ST18: variants seen among roughly 807,000 people sequenced by gnomAD.
ST18 encodes the protein ST18 C2H2C-type zinc finger transcription factor, also known as suppression of tumorigenicity 18 protein.
In ST18, 50 loss-of-function variants were observed where a neutral mutation model predicts 110.0. That is an observed-to-expected ratio of 0.45 (90% confidence interval 0.36 to 0.58). ST18 has a LOEUF of 0.58. Among genes scored for constraint, ST18 ranks in the 20% least tolerant of loss-of-function variants. The probability of loss-of-function intolerance (pLI) is 0.00; values close to 1 mark genes in which losing one functional copy is unlikely to be tolerated. For synonymous variants in ST18, 461 were observed against 452.4 expected (o/e 1.02, Z -0.24); for missense variants, 1,306 against 1,280.1 (o/e 1.02, Z -0.31).
intron 8 of ST18, among the ~76,000 whole-genome samples, chr8:52,198,822 G>C (rs1208096789): frequency 6.6e-6 from 1 of 152,176 alleles, no homozygotes; most frequent in Non-Finnish European, 1.5e-5. Flanking sequence ...AAGCCTGCAA[G>C]CTCCACATAT....
At chr8:52,154,599 C>T (rs932636515) in intron 15 of ST18, 2 of 152,192 alleles carry the variant, frequency 1.3e-5, no homozygotes, top group Non-Finnish European at 2.9e-5. Flanking sequence ...GGACTCTCTC[C>T]CACCTGTGGC....
intron 2 of ST18, among the ~76,000 whole-genome samples, chr8:52,241,418 C>A (rs2093388296): frequency 6.6e-6 from 1 of 152,160 alleles, no homozygotes; most frequent in African/African-American, 2.4e-5. Context: ...ATGCTCTGGC[C>A]CCACATACAT....
intron 7 of ST18, among the ~76,000 whole-genome samples, chr8:52,213,364 G>A (rs549818734): frequency 8.5e-4 from 128 of 151,106 alleles, no homozygotes; most frequent in Non-Finnish European, 1.4e-3. Context: ...TTGATCAGCC[G>A]CTGTCAGTTG....
intron 2 of ST18, among the ~76,000 whole-genome samples, chr8:52,381,960 G>A (rs1206578372): frequency 3.4e-5 from 3 of 87,292 alleles, no homozygotes; most frequent in African/African-American, 1.0e-4. Flanking sequence ...AGAGCTATAT[G>A]CTGCATTAAA....
At chr8:52,310,465 G>A (rs1159416566) in intron 2 of ST18, among the ~76,000 whole-genome samples, 6 of 152,118 alleles carry the variant, frequency 3.9e-5, no homozygotes, top group Middle Eastern at 3.2e-3. Context: ...ACATAGTTTC[G>A]ATTGTGTTTT....
intron 2 of ST18, among the ~76,000 whole-genome samples, chr8:52,266,848 G>GAGGAA (rs2094888215): frequency 6.6e-6 from 1 of 152,180 alleles, no homozygotes; most frequent in Non-Finnish European, 1.5e-5. Flanking sequence ...TCTTAGAGGA[G>GAGGAA]CAAGAAAGTG....
intron 22 of ST18, among the ~76,000 whole-genome samples, chr8:52,128,114 G>A (rs549506943): frequency 6.6e-6 from 1 of 152,080 alleles, no homozygotes; most frequent in East Asian, 1.9e-4. Flanking sequence ...GATTATAGGT[G>A]CACACCACCA....
chr8:52,326,260 G>A (rs1806345985), intron 2 of ST18, among the ~76,000 whole-genome samples: 1 of 152,160 alleles, frequency 6.6e-6, no homozygotes, highest in Non-Finnish European at 1.5e-5. Context: ...GATTTGGCCT[G>A]CAGCAGTGGG....
intron 2 of ST18, among the ~76,000 whole-genome samples, chr8:52,310,306 A>G (rs886219808): frequency 6.6e-6 from 1 of 152,218 alleles, no homozygotes; most frequent in Non-Finnish European, 1.5e-5. Context: ...ATACTAAAAC[A>G]GCAACGGTTC....
At chr8:52,235,287 G>C (rs988532221) in intron 2 of ST18, among the ~76,000 whole-genome samples, 1 of 152,102 alleles carries the variant, frequency 6.6e-6, no homozygotes, top group African/African-American at 2.4e-5. Flanking sequence ...CCCACACCTG[G>C]TCTCCGAGTT....
rs200320573 is a variant in ST18 at position 52,159,057 on chromosome 8, G to A, written c.1647C>T (p.Gly549=). ...VKFPNRLPSA[G]AHTQSPGRAS... Reference sequence around the variant, plus strand: ...CACGGCCAGGGCTCTGGGTGTGGGCGCCTGCACTAGGCAGTCGATTAGGAA... The same window carrying A: ...CACGGCCAGGGCTCTGGGTGTGGGCACCTGCACTAGGCAGTCGATTAGGAA... The change falls in exon 15 of 26, where the codon GGC becomes GGT. Residue 549 remains glycine (G), a synonymous_variant. Coordinates refer to ENST00000689386, the MANE Select transcript of ST18 (RefSeq NM_001352837.2). 7.3e-4 allele frequency: 1,182 copies of A among 1,614,130 alleles called. 9 individuals are homozygous for A. The South Asian group carries it at 0.012, about 16-fold the overall frequency.
chr8:52,117,888 A>T (rs1053702472), intron 24 of ST18, among the ~76,000 whole-genome samples: 4 of 152,224 alleles, frequency 2.6e-5, no homozygotes, highest in Non-Finnish European at 5.9e-5. Flanking sequence ...TTGGGCTTTT[A>T]GGTAAAGAAT....
At chr8:52,231,169 A>G (rs1315928029) in intron 2 of ST18, among the ~76,000 whole-genome samples, 1 of 152,242 alleles carries the variant, frequency 6.6e-6, no homozygotes, top group Non-Finnish European at 1.5e-5. Flanking sequence ...GCATATATAT[A>G]CAATTTATTA....
At chr8:52,250,725 C>A (rs1217165540) in intron 2 of ST18, among the ~76,000 whole-genome samples, 2 of 151,406 alleles carry the variant, frequency 1.3e-5, no homozygotes, top group Non-Finnish European at 2.9e-5. Flanking sequence ...CAGGGATATT[C>A]TTATCTTTAT....
chr8:52,285,903 GTTA>G (rs984995408), intron 2 of ST18, among the ~76,000 whole-genome samples: 1 of 152,144 alleles, frequency 6.6e-6, no homozygotes, highest in Non-Finnish European at 1.5e-5. Flanking sequence ...CCAGCACAGT[GTTA>G]AACTTACACA....
intron 2 of ST18, among the ~76,000 whole-genome samples, chr8:52,268,491 C>CTATCTATT (rs1243475509): frequency 1.3e-4 from 19 of 148,076 alleles, no homozygotes; most frequent in African/African-American, 4.7e-4. Flanking sequence ...ATCTATCTAT[C>CTATCTATT]TATCTATCTA....
chr8:52,409,767 G>C (rs78195501), upstream of ST18: 1 of 152,274 alleles, frequency 6.6e-6, no homozygotes, highest in Non-Finnish European at 1.5e-5. Flanking sequence ...AGAACGCAGA[G>C]GCGCTGCAAC....
intron 3 of ST18, among the ~76,000 whole-genome samples, chr8:52,227,930 T>A (rs995336373): frequency 6.6e-6 from 1 of 152,208 alleles, no homozygotes. Flanking sequence ...AATTTTGTGG[T>A]CATAATAGGT....
intron 14 of ST18, 150 bp from the exon 15 acceptor site, chr8:52,159,259 G>A: frequency 1.4e-6 from 1 of 737,940 alleles, no homozygotes; most frequent in Non-Finnish European, 2.2e-6. Context: ...ATTAAATGAA[G>A]GTTATCCAGA....
Sources: gnomAD v4.1 joint callset for allele counts (sites outside exome capture counted in the v4.1 genomes callset) on GRCh38, gnomAD v4.1.1 for gene constraint, MANE v1.5 for transcripts, NCBI Gene and HGNC (gene_info 2026-07-23, HGNC 2026-07-21) for gene names.